HCRTR2: variants seen among roughly 807,000 people sequenced by gnomAD.
HCRTR2 encodes hypocretin receptor 2.
Under a neutral mutation model 49.0 loss-of-function variants are expected in HCRTR2, and 22 were observed. The observed-to-expected ratio is 0.45, with a 90% confidence interval of 0.32 to 0.64. The LOEUF is 0.64. HCRTR2 is among the 30% of genes least tolerant of loss of function. The pLI, the probability that HCRTR2 is intolerant of heterozygous loss-of-function variation, is 0.04. For synonymous variants in HCRTR2, 236 were observed against 205.3 expected, an observed-to-expected ratio of 1.15 and a Z score of -1.28; for missense variants, 491 against 559.4, an observed-to-expected ratio of 0.88 and a Z score of 1.23.
At chr6:55,241,524 G>A (rs1766332126) in intron 1 of HCRTR2, among the ~76,000 whole-genome samples, 1 of 151,930 alleles carries the variant, frequency 6.6e-6, no homozygotes, top group Non-Finnish European at 1.5e-5. Flanking sequence ...GTACTTATAT[G>A]TAAATTAAAC....
chr6:55,175,523 TC>T (rs1312976127), intron 1 of HCRTR2, among the ~76,000 whole-genome samples: 2 of 152,106 alleles, frequency 1.3e-5, no homozygotes, highest in African/African-American at 4.8e-5. Context: ...TTTTTTTTTT[TC>T]AGTCTGCTTG....
intron 1 of HCRTR2, among the ~76,000 whole-genome samples, chr6:55,238,459 T>C (rs115402519): frequency 5.6e-4 from 86 of 152,328 alleles, no homozygotes; most frequent in South Asian, 1.7e-3. Flanking sequence ...AGTAAGATAT[T>C]GCCATTCTGT....
At chr6:55,229,901 A>C (rs1384317095) in intron 1 of HCRTR2, among the ~76,000 whole-genome samples, 1 of 152,204 alleles carries the variant, frequency 6.6e-6, no homozygotes, top group Non-Finnish European at 1.5e-5. Context: ...TGCTCTTTTC[A>C]CAATGAAAGT....
intron 1 of HCRTR2, among the ~76,000 whole-genome samples, chr6:55,161,082 A>G (rs1764799324): frequency 6.6e-6 from 1 of 152,178 alleles, no homozygotes; most frequent in African/African-American, 2.4e-5. Context: ...CATCATTGGA[A>G]GTAAAAGACT....
At chr6:55,165,498 A>G (rs1344881449) in intron 1 of HCRTR2, among the ~76,000 whole-genome samples, 1 of 152,022 alleles carries the variant, frequency 6.6e-6, no homozygotes, top group African/African-American at 2.4e-5. Context: ...CCTAAGTATA[A>G]GAGCTAAAAC....
At chr6:55,111,854 A>G (rs964721101) in intron 1 of HCRTR2, among the ~76,000 whole-genome samples, 20 of 152,198 alleles carry the variant, frequency 1.3e-4, no homozygotes, top group Admixed American at 1.2e-3. Flanking sequence ...ATAAGACTAA[A>G]GACCAATGTC....
At chr6:55,281,667 A>G (rs1329519354) in intron 6 of HCRTR2, among the ~76,000 whole-genome samples, 2 of 152,076 alleles carry the variant, frequency 1.3e-5, no homozygotes, top group African/African-American at 4.8e-5. Context: ...TTTAAAGACA[A>G]GGAATAGCTT....
At chr6:55,169,319 G>T (rs1764917965) in intron 1 of HCRTR2, among the ~76,000 whole-genome samples, 1 of 151,984 alleles carries the variant, frequency 6.6e-6, no homozygotes, top group African/African-American at 2.4e-5. Context: ...CCTTGTCTGA[G>T]AAGAGACATA....
At chr6:55,137,553 T>TAATC (rs1350680317) in intron 1 of HCRTR2, among the ~76,000 whole-genome samples, 3 of 152,340 alleles carry the variant, frequency 2.0e-5, no homozygotes, top group Admixed American at 1.3e-4. Context: ...CTGTGATTAT[T>TAATC]AATCAGTATT....
intron 1 of HCRTR2, among the ~76,000 whole-genome samples, chr6:55,128,552 G>A (rs1764312242): frequency 6.6e-6 from 1 of 152,142 alleles, no homozygotes; most frequent in Admixed American, 6.5e-5. Flanking sequence ...TCCTATCCAT[G>A]CTCATGGGAA....
At chr6:55,215,795 G>A (rs937259350) in intron 1 of HCRTR2, among the ~76,000 whole-genome samples, 2 of 152,118 alleles carry the variant, frequency 1.3e-5, no homozygotes, top group African/African-American at 4.8e-5. Context: ...CAACTACAAA[G>A]AAAATACCTA....
In HCRTR2 at chr6:55,114,347, G is replaced by T. The variant is rs186969738; in HGVS notation, c.-378+7802G>T. Among the ~76,000 whole-genome samples, 572 of 151,478 alleles carry T rather than the reference G, an allele frequency of 3.8e-3. 6 individuals carry two copies. The highest frequency in any genetic ancestry group is 0.012 in the African/African-American group (504 of 41,400). Reference sequence around the variant, plus strand: ...TCTACACACAAAACAACACAAAATAGAACAAACAACTACCTATGTGAGCTA... The same window carrying T: ...TCTACACACAAAACAACACAAAATATAACAAACAACTACCTATGTGAGCTA... On this transcript the variant is annotated intron_variant, in intron 1 of 7. Transcript: ENST00000615358.
At chr6:55,136,361 A>G (rs985075702) in intron 1 of HCRTR2, among the ~76,000 whole-genome samples, 2 of 152,316 alleles carry the variant, frequency 1.3e-5, no homozygotes, top group African/African-American at 4.8e-5. Context: ...CTAACTAATG[A>G]AAAATGGCAT....
At chr6:55,241,277 T>C (rs1766327514) in intron 1 of HCRTR2, among the ~76,000 whole-genome samples, 1 of 152,120 alleles carries the variant, frequency 6.6e-6, no homozygotes, top group African/African-American at 2.4e-5. Context: ...CTTTAAACAT[T>C]ATTTTCTATC....
chr6:55,160,608 C>T (rs1231076438), intron 1 of HCRTR2, among the ~76,000 whole-genome samples: 3 of 152,110 alleles, frequency 2.0e-5, no homozygotes, highest in Admixed American at 6.6e-5. Flanking sequence ...TGCAAAGATA[C>T]ATATAGGCTC....
chr6:55,178,638 T>C (rs1581810683), intron 1 of HCRTR2, among the ~76,000 whole-genome samples: 1 of 152,210 alleles, frequency 6.6e-6, no homozygotes, highest in East Asian at 1.9e-4. Context: ...TCTGTATCTC[T>C]GTAGCTCTTT....
intron 4 of HCRTR2, among the ~76,000 whole-genome samples, chr6:55,264,979 A>G (rs770556625): frequency 6.6e-6 from 1 of 152,038 alleles, no homozygotes; most frequent in Non-Finnish European, 1.5e-5. Context: ...ATTTTTCAAG[A>G]TCATCTTTCA....
chr6:55,150,579 G>T, intron 1 of HCRTR2, among the ~76,000 whole-genome samples: 1 of 151,848 alleles, frequency 6.6e-6, no homozygotes, highest in East Asian at 1.9e-4. Flanking sequence ...TGTATAAGTG[G>T]GATAGGAGTA....
chr6:55,278,999 T>G (rs1247475705), intron 5 of HCRTR2, among the ~76,000 whole-genome samples: 3 of 151,884 alleles, frequency 2.0e-5, no homozygotes, highest in Admixed American at 2.0e-4. Flanking sequence ...TTCCAACTAC[T>G]TTTTTTGTCA....
Sources: allele counts gnomAD v4.1 joint callset (sites outside exome capture counted in the v4.1 genomes callset), GRCh38; gene constraint gnomAD v4.1.1; transcripts MANE v1.5; gene names NCBI Gene and HGNC (gene_info 2026-07-23, HGNC 2026-07-21).